Variants in WDR36 observed in about 807,000 individuals in gnomAD.
WDR36 encodes WD repeat domain 36, also known as WD repeat-containing protein 36.
In WDR36, 63 loss-of-function variants were observed where a neutral mutation model predicts 112.7. The ratio of observed to expected loss-of-function variants is 0.56; its 90% CI spans 0.46 to 0.69. The LOEUF (loss-of-function observed/expected upper bound fraction) is 0.69, where lower values mean the gene tolerates loss of function less well. WDR36 is among the 30% of genes least tolerant of loss of function. WDR36 has a pLI of 0.00. For synonymous variants in WDR36, 410 were observed against 362.2 expected (o/e 1.13, Z -1.50); for missense variants, 1,226 against 1,070.3 (o/e 1.15, Z -2.03).
chr5:111,124,551 T>C (rs1753639405), intron 21 of WDR36, among the ~76,000 whole-genome samples: 1 of 152,190 alleles, frequency 6.6e-6, no homozygotes, highest in Non-Finnish European at 1.5e-5. Context: ...GTCTTTTGTT[T>C]TTATTTATAA....
Position 111,110,742 on chromosome 5 carries a change from C to A in WDR36, c.1442-46C>A, listed in dbSNP as rs1430851978. 1.9e-6 allele frequency: 3 copies of A among 1,582,332 alleles called. No individual in the cohort carries two copies. The Admixed American group carries it at 5.2e-5, about 27-fold the overall frequency. ...ACTGTGTGTATTGTTCAGAGAGAAA[C>A]ACTGCCAATTCTGATTTTTTTTTTC... On this transcript the variant is annotated intron_variant, in intron 13 of 22. Transcript: ENST00000513710.
intron 22 of WDR36, 54 bp downstream of exon 22, chr5:111,125,849 T>G: frequency 6.3e-7 from 1 of 1,598,582 alleles, no homozygotes; most frequent in South Asian, 1.1e-5. Flanking sequence ...GGGGCAGTGC[T>G]ATCTAACAGA....
At chr5:111,092,886 A>G (rs1291710166) in intron 1 of WDR36, among the ~76,000 whole-genome samples, 1 of 152,266 alleles carries the variant, frequency 6.6e-6, no homozygotes, top group Non-Finnish European at 1.5e-5. Flanking sequence ...TTGTTCAGTG[A>G]ATATTTATTG....
chr5:111,111,565 A>T (rs1753340992), intron 15 of WDR36: 1 of 308,830 alleles, frequency 3.2e-6, no homozygotes, highest in South Asian at 3.4e-5. Context: ...TATATATGTC[A>T]TTCTTAACTT....
Position 111,113,060 on chromosome 5 carries a change from T to C in WDR36, c.1717-14T>C. ...AATATATATATATATATATTTTTTT[T>C]TTTTAATTTAAAGGCTTTTAGTCCT... On this transcript the variant is annotated splice_polypyrimidine_tract_variant and intron_variant, in intron 15 of 22. Coordinates refer to ENST00000513710, the MANE Select transcript of WDR36 (RefSeq NM_139281.3). The C allele has an allele frequency of 1.2e-6, 1 of 849,020 alleles. No homozygotes were observed. The highest frequency in any genetic ancestry group is 1.6e-6 in the Non-Finnish European group (1 of 636,828). The allele number at this position is 849,020 out of a possible 1,614,324, so 52.6% of individuals were successfully genotyped here.
At chr5:111,101,136 C>T (rs1753113715) in intron 5 of WDR36, among the ~76,000 whole-genome samples, 1 of 151,842 alleles carries the variant, frequency 6.6e-6, no homozygotes, top group African/African-American at 2.4e-5. Context: ...AGTCCTGGAA[C>T]CAATCCCCCA....
chr5:111,124,980 C>T (rs915847897), intron 21 of WDR36, among the ~76,000 whole-genome samples: 1 of 152,148 alleles, frequency 6.6e-6, no homozygotes, highest in African/African-American at 2.4e-5. Context: ...AAAGCATAGT[C>T]ATTGCAGTTC....
intron 11 of WDR36, 27 bp downstream of exon 11, chr5:111,106,170 G>A (rs1375763450): frequency 6.4e-7 from 1 of 1,567,686 alleles, no homozygotes; most frequent in Non-Finnish European, 8.8e-7. Flanking sequence ...TGTGTTTTGA[G>A]AAGTTCTCCT....
At chr5:111,094,973 T>G in intron 2 of WDR36, 26 bp downstream of exon 2, 1 of 1,597,320 alleles carries the variant, frequency 6.3e-7, no homozygotes, top group Non-Finnish European at 8.6e-7. Context: ...ATTCTGAATT[T>G]ATGCACATCT....
At chr5:111,099,777 C>T (rs1271256327) in intron 4 of WDR36, among the ~76,000 whole-genome samples, 2 of 152,044 alleles carry the variant, frequency 1.3e-5, no homozygotes, top group East Asian at 3.9e-4. Context: ...ATAATTTTCA[C>T]CTATACCTGT....
Position 111,100,396 on chromosome 5 carries a change from A to C in WDR36, c.410-193A>C, listed in dbSNP as rs1278029373. On this transcript the variant is annotated intron_variant, in intron 4 of 22. Transcript: ENST00000513710. ...CAGAAAATTTTTGACAGTCTAAATT[A>C]AATTACATTTACAAGTTGCCTCTCA... Among the ~76,000 whole-genome samples the C allele has an allele frequency of 2.6e-5, 4 of 152,102 alleles. No individual in the cohort carries two copies. The South Asian group carries it at 8.3e-4, about 31-fold the overall frequency.
At chr5:111,102,678 T>C (rs1753144444) in intron 6 of WDR36, among the ~76,000 whole-genome samples, 1 of 151,724 alleles carries the variant, frequency 6.6e-6, no homozygotes, top group South Asian at 2.1e-4. Flanking sequence ...CAAGTATATG[T>C]AGTCCATTGT....
rs563228219 is a variant in WDR36 at position 111,106,880 on chromosome 5, T to C, written c.1181-414T>C. Among the ~76,000 whole-genome samples the C allele has an allele frequency of 3.3e-4, 50 of 151,488 alleles. 1 individual carries two copies. The South Asian group carries it at 0.01, about 31-fold the overall frequency. ...GCTGTCCTCCGTTTTGTTCATTTTT[T>C]TCTTGTGCATGTTATCCCCCCCAGG... On this transcript the variant is annotated intron_variant, in intron 11 of 22. Transcript: ENST00000513710.
At chr5:111,099,609 C>G (rs1436321106) in intron 4 of WDR36, among the ~76,000 whole-genome samples, 1 of 151,566 alleles carries the variant, frequency 6.6e-6, no homozygotes, top group Non-Finnish European at 1.5e-5. Context: ...AAAGTATTCC[C>G]TGTGCAGATA....
chr5:111,102,539 A>G lies in WDR36; in HGVS notation c.597+140A>G, dbSNP rs946117123. Reference sequence around the variant, plus strand: ...CCTTTAAAATTGTTAGCCTGAGGAAATAGTGTTTTGGAAATGTAAGTTAAA... The same window carrying G: ...CCTTTAAAATTGTTAGCCTGAGGAAGTAGTGTTTTGGAAATGTAAGTTAAA... On this transcript the variant is annotated intron_variant, in intron 6 of 22. Transcript: ENST00000513710. The G allele has an allele frequency of 5.8e-6, 5 of 859,966 alleles. No individual in the cohort carries two copies. In the African/African-American group the frequency reaches 8.5e-5, roughly 15 times the overall value. The allele number at this position is 859,966 out of a possible 1,614,324, so 53.3% of individuals were successfully genotyped here.
intron 9 of WDR36, 30 bp downstream of exon 9, chr5:111,104,847 T>C: frequency 6.2e-7 from 1 of 1,609,654 alleles, no homozygotes; most frequent in South Asian, 1.1e-5. Context: ...TATTAGTTTA[T>C]TTCAGCAAGT....
In WDR36 at chr5:111,110,270, G is replaced by A. The variant is rs746901181; in HGVS notation, c.1408G>A (p.Gly470Ser). The A allele has an allele frequency of 1.2e-6, 2 of 1,610,638 alleles. No homozygotes were observed. The highest frequency in any genetic ancestry group is 2.7e-5 in the African/African-American group (2 of 74,680). ...GTVDVYNMQSGIHRGSFGKDQ... is the reference protein window; with the variant it reads ...GTVDVYNMQSSIHRGSFGKDQ... Reference sequence around the variant, plus strand: ...TGTAGATGTATATAACATGCAGTCTGGCATACATCGAGGAAGTTTTGGCAA... The same window carrying A: ...TGTAGATGTATATAACATGCAGTCTAGCATACATCGAGGAAGTTTTGGCAA... Residue 470 changes from glycine (G) to serine (S), a missense_variant, in exon 13 of 23, where the codon GGC (glycine) becomes AGC (serine). Coordinates refer to ENST00000513710, the MANE Select transcript of WDR36 (RefSeq NM_139281.3).
intron 14 of WDR36, 61 bp downstream of exon 14, chr5:111,111,014 C>T: frequency 6.3e-7 from 1 of 1,592,734 alleles, no homozygotes; most frequent in Non-Finnish European, 8.6e-7. Flanking sequence ...CATAAAGTCA[C>T]AATTTACCAA....
chr5:111,118,375 T>A (rs1291575047), intron 16 of WDR36, among the ~76,000 whole-genome samples: 4 of 152,210 alleles, frequency 2.6e-5, no homozygotes, highest in African/African-American at 9.6e-5. Flanking sequence ...TCTACCTGGT[T>A]TGTGGTTACT....
Sources: allele counts gnomAD v4.1 joint callset (sites outside exome capture counted in the v4.1 genomes callset), GRCh38; gene constraint gnomAD v4.1.1; transcripts MANE v1.5; gene names NCBI Gene and HGNC (gene_info 2026-07-23, HGNC 2026-07-21).